Variants in RBFOX1 observed in about 807,000 individuals in gnomAD.
RBFOX1 encodes RNA binding fox-1 homolog 1, also known as RNA binding protein fox-1 homolog 1.
RBFOX1 carries 8 observed loss-of-function variants against 57.7 expected under a neutral mutation model. The ratio of observed to expected loss-of-function variants is 0.14; its 90% confidence interval spans 0.08 to 0.25. The LOEUF (loss-of-function observed/expected upper bound fraction) is 0.25. RBFOX1 is among the 10% of genes least tolerant of loss of function. RBFOX1 has a pLI of 1.00. For synonymous variants in RBFOX1, 326 were observed against 222.4 expected, an observed-to-expected ratio of 1.47 and a Z score of -4.15; for missense variants, 611 against 548.5, an observed-to-expected ratio of 1.11 and a Z score of -1.14.
At chr16:6,834,084 A>T (rs1649774532) in intron 3 of RBFOX1, among the ~76,000 whole-genome samples, 1 of 151,414 alleles carries the variant, frequency 6.6e-6, no homozygotes, top group Non-Finnish European at 1.5e-5. Flanking sequence ...TATTTTTTTG[A>T]GGCGGAGTCT....
At chr16:7,384,049 A>G (rs2148088263) in intron 4 of RBFOX1, among the ~76,000 whole-genome samples, 1 of 146,710 alleles carries the variant, frequency 6.8e-6, no homozygotes, top group African/African-American at 2.6e-5. Flanking sequence ...GTGAGACTCC[A>G]TCTCAAAAAA....
At chr16:5,243,862 G>C (rs1290851365) in intron 1 of RBFOX1, among the ~76,000 whole-genome samples, 1 of 152,108 alleles carries the variant, frequency 6.6e-6, no homozygotes, top group Non-Finnish European at 1.5e-5. Flanking sequence ...GAGATAATAA[G>C]ACAGTACATG....
At chr16:5,984,909 CAG>C (rs1425378293) in intron 4 of RBFOX1, among the ~76,000 whole-genome samples, 1 of 131,436 alleles carries the variant, frequency 7.6e-6, no homozygotes, top group Non-Finnish European at 1.6e-5. Flanking sequence ...AGTAAAAAGA[CAG>C]AATAAAAATG....
At chr16:6,591,976 G>A (rs905570510) in intron 2 of RBFOX1, among the ~76,000 whole-genome samples, 5 of 152,136 alleles carry the variant, frequency 3.3e-5, no homozygotes, top group African/African-American at 1.2e-4. Flanking sequence ...TGTCTACTGT[G>A]GGCTGTATGA....
chr16:5,526,573 GCCA>G lies in RBFOX1; in HGVS notation c.258+59324_258+59326del, dbSNP rs2044254895. ...CAAAGTGCTGGGATTATAGGTGTGA[GCCA>G]CCACACCTGGCTTCCACTCCCTTTT... On this transcript the variant is annotated intron_variant, in intron 2 of 2. Transcript: ENST00000585867. 2.0e-5 allele frequency among the ~76,000 whole-genome samples: 3 copies of G among 152,290 alleles called. No homozygotes were observed. The South Asian group carries it at 6.2e-4, about 32-fold the overall frequency.
chr16:6,880,215 T>G (rs2062650274), intron 3 of RBFOX1, among the ~76,000 whole-genome samples: 1 of 137,194 alleles, frequency 7.3e-6, no homozygotes, highest in Admixed American at 7.1e-5. Flanking sequence ...GAGCAAAATT[T>G]TCCACCGGGG....
At chr16:5,587,725 T>G (rs995314614) in intron 2 of RBFOX1, among the ~76,000 whole-genome samples, 5 of 152,142 alleles carry the variant, frequency 3.3e-5, no homozygotes, top group African/African-American at 9.7e-5. Flanking sequence ...AAAAGTCAGA[T>G]AATTTTAAGT....
chr16:5,604,802 A>T (rs140875394), downstream of RBFOX1, among the ~76,000 whole-genome samples: 1 of 152,060 alleles, frequency 6.6e-6, no homozygotes, highest in East Asian at 1.9e-4. Context: ...GCCCCCCGGG[A>T]ACCAGACCAC....
intron 3 of RBFOX1, among the ~76,000 whole-genome samples, chr16:5,742,294 G>GCCTCCCTCCCTTCCTC (rs1301915564): frequency 2.5e-5 from 2 of 81,078 alleles, no homozygotes; most frequent in Admixed American, 1.6e-4. Flanking sequence ...CTCCCTTCCT[G>GCCTCCCTCCCTTCCTC]CCTCCCTCCC....
At chr16:5,922,797 C>A (rs889269305) in intron 4 of RBFOX1, among the ~76,000 whole-genome samples, 2 of 152,204 alleles carry the variant, frequency 1.3e-5, no homozygotes, top group Non-Finnish European at 2.9e-5. Flanking sequence ...CAGGGGCTAA[C>A]GCTCTCCATT....
chr16:6,714,800 G>C (rs1469798560), intron 3 of RBFOX1, among the ~76,000 whole-genome samples: 4 of 152,214 alleles, frequency 2.6e-5, no homozygotes, highest in Middle Eastern at 3.4e-3. Context: ...AGGAGAAACT[G>C]GCTTATTTCT....
intron 3 of RBFOX1, among the ~76,000 whole-genome samples, chr16:5,795,883 TC>T (rs2054861099): frequency 6.6e-6 from 1 of 152,248 alleles, no homozygotes; most frequent in Non-Finnish European, 1.5e-5. Flanking sequence ...TGTTGCATTT[TC>T]TAATGACTTA....
At chr16:6,771,526 C>G (rs565191276) in intron 3 of RBFOX1, among the ~76,000 whole-genome samples, 1 of 152,248 alleles carries the variant, frequency 6.6e-6, no homozygotes, top group South Asian at 2.1e-4. Context: ...CAAGCTGAAG[C>G]CAACACACTT....
chr16:6,842,106 G>A (rs1341273690), intron 3 of RBFOX1, among the ~76,000 whole-genome samples: 1 of 151,458 alleles, frequency 6.6e-6, no homozygotes, highest in East Asian at 1.9e-4. Flanking sequence ...TCGCGCCACT[G>A]CACTCCAGCC....
At chr16:6,639,172 T>C (rs537535803) in intron 2 of RBFOX1, among the ~76,000 whole-genome samples, 1 of 152,364 alleles carries the variant, frequency 6.6e-6, no homozygotes, top group South Asian at 2.1e-4. Context: ...TCATGTGCGC[T>C]AGCTCTGTTG....
chr16:5,542,431 GTATT>G (rs2044997566), intron 2 of RBFOX1, among the ~76,000 whole-genome samples: 1 of 133,320 alleles, frequency 7.5e-6, no homozygotes, highest in Non-Finnish European at 1.6e-5. Flanking sequence ...TTTTTTTTTT[GTATT>G]TTTAGTAGAG....
chr16:6,224,243 A>T (rs967935274), intron 1 of RBFOX1, among the ~76,000 whole-genome samples: 5 of 151,996 alleles, frequency 3.3e-5, no homozygotes, highest in Admixed American at 1.3e-4. Flanking sequence ...TTCTGTGAAG[A>T]AAGTCATTGG....
At chr16:5,756,403 GTT>G (rs2053398679) in intron 3 of RBFOX1, among the ~76,000 whole-genome samples, 1 of 152,056 alleles carries the variant, frequency 6.6e-6, no homozygotes, top group African/African-American at 2.4e-5. Flanking sequence ...GATGGATACC[GTT>G]TTTCTTCTTG....
chr16:6,982,497 A>G (rs908305045), intron 3 of RBFOX1, among the ~76,000 whole-genome samples: 6 of 152,130 alleles, frequency 3.9e-5, no homozygotes, highest in African/African-American at 1.4e-4. Flanking sequence ...GACGAGGTGG[A>G]TCCTGGAGTA....
Sources: allele counts gnomAD v4.1 joint callset (sites outside exome capture counted in the v4.1 genomes callset), GRCh38; gene constraint gnomAD v4.1.1; transcripts MANE v1.5; gene names NCBI Gene and HGNC (gene_info 2026-07-23, HGNC 2026-07-21).